The following PCSK2 variants were observed in gnomAD, a reference collection of about 807,000 sequenced individuals.
PCSK2 encodes proprotein convertase subtilisin/kexin type 2.
PCSK2 carries 14 observed loss-of-function variants against 69.7 expected under a neutral mutation model. The observed-to-expected ratio is 0.20, with a 90% CI of 0.13 to 0.31. The LOEUF (loss-of-function observed/expected upper bound fraction) is 0.31. Among genes scored for constraint, PCSK2 ranks in the 10% least tolerant of loss-of-function variants. PCSK2 has a pLI of 1.00. For synonymous variants in PCSK2, 307 were observed against 320.7 expected, an observed-to-expected ratio of 0.96 and a Z score of 0.46; for missense variants, 544 against 842.5, an observed-to-expected ratio of 0.65 and a Z score of 4.39.
chr20:17,237,847 A>T (rs753386050), intron 1 of PCSK2, among the ~76,000 whole-genome samples: 3 of 152,122 alleles, frequency 2.0e-5, no homozygotes, highest in Non-Finnish European at 4.4e-5. Flanking sequence ...GAAAACTGGG[A>T]GCTGGTGTAG....
chr20:17,472,786 C>T (rs1265247304), intron 11 of PCSK2, among the ~76,000 whole-genome samples: 1 of 152,008 alleles, frequency 6.6e-6, no homozygotes, highest in African/African-American at 2.4e-5. Flanking sequence ...AGGCTGGTGT[C>T]GAGCTCCTGA....
chr20:17,408,186 C>A (rs2031794442), intron 5 of PCSK2, among the ~76,000 whole-genome samples: 1 of 151,820 alleles, frequency 6.6e-6, no homozygotes, highest in South Asian at 2.1e-4. Context: ...ATACTGTGAA[C>A]CAAGAAGCCA....
At chr20:17,253,844 A>G (rs958597323) in intron 1 of PCSK2, among the ~76,000 whole-genome samples, 11 of 152,178 alleles carry the variant, frequency 7.2e-5, no homozygotes, top group African/African-American at 1.7e-4. Flanking sequence ...TGAGGGTTCA[A>G]ATTCCTCCCT....
At position 17,384,927 on chromosome 20, in the gene PCSK2, C is replaced by CA. The variant is rs545818793; in HGVS notation, c.543+15657dup. Among the ~76,000 whole-genome samples the CA allele has an allele frequency of 1.8e-3, 280 of 151,950 alleles. 6 individuals carry two copies. The South Asian group carries it at 0.057, about 31-fold the overall frequency. On this transcript the variant is annotated intron_variant, in intron 5 of 11. Coordinates refer to ENST00000262545, the MANE Select transcript of PCSK2 (RefSeq NM_002594.5). Reference sequence around the variant, plus strand: ...TGGGTGACAGAACGCAACCCTGACTCAAAAAAATAAGAAAAAGTATTTCTC... The same window carrying CA: ...TGGGTGACAGAACGCAACCCTGACTCAAAAAAAATAAGAAAAAGTATTTCTC...
intron 2 of PCSK2, among the ~76,000 whole-genome samples, chr20:17,335,195 G>GGGA (rs1568607438): frequency 8.6e-5 from 13 of 150,524 alleles, no homozygotes; most frequent in South Asian, 4.2e-4. Context: ...GCGGAGATTG[G>GGGA]GGGGGTTGTC....
At chr20:17,247,358 A>G (rs754383073) in intron 1 of PCSK2, among the ~76,000 whole-genome samples, 6 of 152,256 alleles carry the variant, frequency 3.9e-5, no homozygotes, top group Non-Finnish European at 7.3e-5. Context: ...GAAATGGACA[A>G]GCAATTATCA....
At chr20:17,372,851 C>T (rs112235905) in intron 5 of PCSK2, among the ~76,000 whole-genome samples, 4,860 of 152,056 alleles carry the variant, frequency 0.032, 270 homozygotes, top group African/African-American at 0.11. Flanking sequence ...GTGGCAACTT[C>T]GGAGCTACTA....
chr20:17,271,120 C>A (rs1163849014), intron 2 of PCSK2, among the ~76,000 whole-genome samples: 1 of 152,064 alleles, frequency 6.6e-6, no homozygotes, highest in African/African-American at 2.4e-5. Flanking sequence ...AGGGCTTTTT[C>A]TTTAAACCAA....
At chr20:17,460,026 A>G (rs2032986964) in intron 10 of PCSK2, among the ~76,000 whole-genome samples, 1 of 152,216 alleles carries the variant, frequency 6.6e-6, no homozygotes, top group Non-Finnish European at 1.5e-5. Context: ...GAAAGAAAAT[A>G]CAGAGATAAG....
intron 2 of PCSK2, among the ~76,000 whole-genome samples, chr20:17,314,330 A>G (rs1958141837): frequency 1.3e-5 from 2 of 152,342 alleles, no homozygotes; most frequent in South Asian, 4.1e-4. Flanking sequence ...AATAATGCTG[A>G]GACATCTAGA....
intron 1 of PCSK2, among the ~76,000 whole-genome samples, chr20:17,236,735 G>A (rs777405203): frequency 3.3e-5 from 5 of 152,116 alleles, no homozygotes; most frequent in African/African-American, 4.8e-5. Flanking sequence ...GAAGAAATTA[G>A]CCTAAGCATG....
chr20:17,350,493 G>C (rs1600513245), intron 2 of PCSK2, among the ~76,000 whole-genome samples: 1 of 151,936 alleles, frequency 6.6e-6, no homozygotes, highest in East Asian at 1.9e-4. Context: ...CTAATTAACA[G>C]CTGTTTAATT....
intron 6 of PCSK2, among the ~76,000 whole-genome samples, chr20:17,413,142 G>C (rs1418943067): frequency 6.6e-6 from 1 of 152,140 alleles, no homozygotes; most frequent in East Asian, 1.9e-4. Context: ...AAAATAACCA[G>C]CTAACATCAT....
chr20:17,356,377 T>C (rs1367539975), intron 2 of PCSK2, among the ~76,000 whole-genome samples: 1 of 152,178 alleles, frequency 6.6e-6, no homozygotes, highest in Non-Finnish European at 1.5e-5. Context: ...TTAACACTTG[T>C]TTTCCACATG....
chr20:17,342,145 C>T (rs1600505967), intron 2 of PCSK2, among the ~76,000 whole-genome samples: 1 of 151,358 alleles, frequency 6.6e-6, no homozygotes. Flanking sequence ...GTGTGTGTCA[C>T]ACCCAGCACC....
At chr20:17,331,435 C>G (rs1330341497) in intron 2 of PCSK2, among the ~76,000 whole-genome samples, 2 of 152,204 alleles carry the variant, frequency 1.3e-5, no homozygotes, top group African/African-American at 4.8e-5. Context: ...TACAAACTCA[C>G]TGCTTTTTCC....
chr20:17,476,035 G>A (rs988391545), intron 11 of PCSK2, among the ~76,000 whole-genome samples: 40 of 152,302 alleles, frequency 2.6e-4, no homozygotes, highest in African/African-American at 8.7e-4. Context: ...AGGAAAGCCC[G>A]ATTCTGGGCC....
chr20:17,401,228 A>G (rs2031629328), intron 5 of PCSK2, among the ~76,000 whole-genome samples: 1 of 152,232 alleles, frequency 6.6e-6, no homozygotes, highest in African/African-American at 2.4e-5. Flanking sequence ...GTTTGAGCTG[A>G]TATAACAAAA....
chr20:17,421,381 A>G (rs1289030920), intron 6 of PCSK2, among the ~76,000 whole-genome samples: 2 of 152,114 alleles, frequency 1.3e-5, no homozygotes, highest in Non-Finnish European at 2.9e-5. Context: ...TTCATTTCTC[A>G]TCTATTCTAT....
Sources: gnomAD v4.1 joint callset for allele counts (sites outside exome capture counted in the v4.1 genomes callset) on GRCh38, gnomAD v4.1.1 for gene constraint, MANE v1.5 for transcripts, NCBI Gene and HGNC (gene_info 2026-07-23, HGNC 2026-07-21) for gene names.